The following SYT14 variants were observed in gnomAD, a reference collection of about 807,000 sequenced individuals.
SYT14 encodes synaptotagmin-14.
In SYT14, 32 loss-of-function variants were observed where a neutral mutation model predicts 74.2. The observed-to-expected ratio is 0.43, with a 90% CI of 0.33 to 0.58. The LOEUF is 0.58. SYT14 is among the 20% of genes least tolerant of loss of function. The probability of loss-of-function intolerance (pLI) is 0.05; values close to 1 mark genes in which losing one functional copy is unlikely to be tolerated. For missense variants in SYT14, 791 were observed against 981.8 expected (o/e 0.81, Z 2.60); for synonymous variants, 298 against 337.7 (o/e 0.88, Z 1.29).
chr1:210,102,373 A>G (rs1275558991), intron 7 of SYT14, among the ~76,000 whole-genome samples: 1 of 152,106 alleles, frequency 6.6e-6, no homozygotes, highest in Non-Finnish European at 1.5e-5. Flanking sequence ...TCTCAAATTC[A>G]GTACCCTGTA....
At chr1:210,128,029 A>G (rs997464527) in intron 7 of SYT14, among the ~76,000 whole-genome samples, 1 of 152,104 alleles carries the variant, frequency 6.6e-6, no homozygotes, top group Non-Finnish European at 1.5e-5. Flanking sequence ...AATCCATCTC[A>G]GTAAAATAAA....
At chr1:210,163,366 AGTTT>A (rs2083412139) in exon 10 of SYT14, 1 of 453,550 alleles carries the variant, frequency 2.2e-6, no homozygotes, top group Non-Finnish European at 4.4e-6. Context: ...ATTAATAAAC[AGTTT>A]TTTAATATTT....
intron 7 of SYT14, 70 bp from the exon 7 acceptor site, chr1:210,155,651 T>A: frequency 6.6e-7 from 1 of 1,522,832 alleles, no homozygotes; most frequent in Non-Finnish European, 9.0e-7. Flanking sequence ...CAAATAAACA[T>A]GGCATAACAA....
chr1:210,100,477 A>T lies in SYT14; in HGVS notation c.2034+16A>T. ...CAATCATTCTGTGAGTATCTCATCAAATGGCCTGAATACAGTTTATGTTCA... is the reference window on the plus strand; with the variant it reads ...CAATCATTCTGTGAGTATCTCATCATATGGCCTGAATACAGTTTATGTTCA... On this transcript the variant is annotated intron_variant, in intron 7 of 9. Coordinates refer to ENST00000637265, the Ensembl canonical transcript of SYT14. 6.2e-7 allele frequency: 1 copy of T among 1,605,856 alleles called. No individual in the cohort carries two copies. The highest frequency in any genetic ancestry group is 2.2e-5 in the East Asian group (1 of 44,808).
intron 7 of SYT14, among the ~76,000 whole-genome samples, chr1:210,140,997 A>G (rs2082902357): frequency 6.6e-6 from 1 of 151,154 alleles, no homozygotes. Flanking sequence ...TTGCACTTAC[A>G]TATGAATTTT....
intron 5 of SYT14, among the ~76,000 whole-genome samples, chr1:210,053,873 C>G (rs891155523): frequency 6.6e-6 from 1 of 152,074 alleles, no homozygotes; most frequent in African/African-American, 2.4e-5. Flanking sequence ...TGGTATAAAG[C>G]CTATCTTCCA....
chr1:209,994,941 G>T (rs2079761450), intron 2 of SYT14, among the ~76,000 whole-genome samples: 1 of 152,154 alleles, frequency 6.6e-6, no homozygotes, highest in South Asian at 2.1e-4. Context: ...TTAAGCAAAT[G>T]CTGAGGAAAT....
intron 7 of SYT14, among the ~76,000 whole-genome samples, chr1:210,107,646 TAATC>T (rs1487216850): frequency 2.0e-5 from 3 of 152,138 alleles, no homozygotes; most frequent in African/African-American, 7.2e-5. Flanking sequence ...ATTTAGAAAA[TAATC>T]AGCAAGGAAG....
At position 209,938,287 on chromosome 1, in the gene SYT14, G is replaced by A. The variant is rs370896632; in HGVS notation, c.-534+10G>A. The A allele has an allele frequency of 7.1e-6, 11 of 1,557,274 alleles. No homozygotes were observed. The highest frequency in any genetic ancestry group is 1.8e-5 in the Admixed American group (1 of 55,718). On this transcript the variant is annotated intron_variant, in intron 1 of 9. Coordinates refer to ENST00000637265, the Ensembl canonical transcript of SYT14. Reference sequence around the variant, plus strand: ...ATCATGGCGATTGAAGGTAAGTGGAGGCTGACAGCGGGGAGCGAGGACCGG... The same window carrying A: ...ATCATGGCGATTGAAGGTAAGTGGAAGCTGACAGCGGGGAGCGAGGACCGG...
chr1:209,967,975 C>T (rs1464285858), intron 2 of SYT14, among the ~76,000 whole-genome samples: 4 of 152,048 alleles, frequency 2.6e-5, no homozygotes, highest in Non-Finnish European at 4.4e-5. Context: ...CCTGCTCCTA[C>T]ACTAAATTTT....
At chr1:210,089,130 T>G (rs1222178216) in intron 5 of SYT14, among the ~76,000 whole-genome samples, 3 of 152,226 alleles carry the variant, frequency 2.0e-5, no homozygotes, top group Admixed American at 2.0e-4. Flanking sequence ...ACATGTGGTG[T>G]TTGGTTTTCT....
At chr1:210,057,923 T>C (rs953619081) in intron 5 of SYT14, among the ~76,000 whole-genome samples, 1 of 152,176 alleles carries the variant, frequency 6.6e-6, no homozygotes, top group Non-Finnish European at 1.5e-5. Flanking sequence ...ACAGAACACA[T>C]AAACTTTCTC....
At chr1:210,036,511 A>G (rs1031357156) in intron 5 of SYT14, among the ~76,000 whole-genome samples, 1 of 151,818 alleles carries the variant, frequency 6.6e-6, no homozygotes, top group African/African-American at 2.4e-5. Flanking sequence ...GTCTTGTTCC[A>G]GTTCTTAAGG....
intron 2 of SYT14, among the ~76,000 whole-genome samples, chr1:209,967,818 A>C (rs1018090886): frequency 2.0e-5 from 3 of 151,714 alleles, no homozygotes; most frequent in Non-Finnish European, 2.9e-5. Context: ...TTCTGTTCTG[A>C]TCTTTATTAT....
chr1:209,947,025 C>A (rs1046794480), intron 1 of SYT14, among the ~76,000 whole-genome samples: 1 of 152,166 alleles, frequency 6.6e-6, no homozygotes, highest in African/African-American at 2.4e-5. Context: ...CATCTGTTTA[C>A]AGCATGGTTT....
chr1:210,146,103 T>G (rs1448088674), intron 7 of SYT14, among the ~76,000 whole-genome samples: 1 of 152,116 alleles, frequency 6.6e-6, no homozygotes, highest in African/African-American at 2.4e-5. Context: ...TTTGGGAGGC[T>G]GAGGTGGGCA....
intron 5 of SYT14, among the ~76,000 whole-genome samples, chr1:210,035,276 T>C (rs1430275229): frequency 6.6e-6 from 1 of 151,956 alleles, no homozygotes; most frequent in Admixed American, 6.6e-5. Flanking sequence ...GGGGTTTTGG[T>C]TGAGTTGTTT....
intron 7 of SYT14, among the ~76,000 whole-genome samples, chr1:210,110,557 T>G (rs534068350): frequency 3.9e-5 from 6 of 152,230 alleles, no homozygotes; most frequent in South Asian, 2.1e-4. Flanking sequence ...TCTGTTTCAA[T>G]TAAACAAGGT....
At chr1:209,982,570 GCA>G (rs34565554) in intron 2 of SYT14, among the ~76,000 whole-genome samples, 68,977 of 151,602 alleles carry the variant, frequency 0.45, 16,909 homozygotes, top group Non-Finnish European at 0.56. Context: ...TCTGGATGTT[GCA>G]CAGTTTTATT....
Sources: allele counts gnomAD v4.1 joint callset (sites outside exome capture counted in the v4.1 genomes callset), GRCh38; gene constraint gnomAD v4.1.1; transcripts MANE v1.5; gene names NCBI Gene and HGNC (gene_info 2026-07-23, HGNC 2026-07-21).